The following ZNF383 variants were observed in gnomAD, a reference collection of about 807,000 sequenced individuals.
ZNF383 encodes zinc finger protein 383.
In ZNF383, 32 loss-of-function variants were observed where a neutral mutation model predicts 44.2. That is an observed-to-expected ratio of 0.72 (90% CI 0.55 to 0.97). The LOEUF (loss-of-function observed/expected upper bound fraction) is 0.97, where lower values mean the gene tolerates loss of function less well. ZNF383 is among the 50% of genes least tolerant of loss of function. ZNF383 has a pLI of 0.00. For synonymous variants in ZNF383, 155 were observed against 186.2 expected (o/e 0.83, Z 1.36); for missense variants, 487 against 562.5 (o/e 0.87, Z 1.36).
chr19:37,233,072 T>TA (rs1378188384), intron 3 of ZNF383, among the ~76,000 whole-genome samples: 2 of 152,188 alleles, frequency 1.3e-5, no homozygotes, highest in Non-Finnish European at 2.9e-5. Flanking sequence ...AGTCCCCTCT[T>TA]ACAGCATTCT....
rs753478379 is a variant in ZNF383 at position 37,242,911 on chromosome 19, C to G, written c.675C>G (p.Pro225=). 3.8e-5 allele frequency: 62 copies of G among 1,614,100 alleles called. No homozygotes were observed. Among genetic ancestry groups the G allele is most frequent in the Non-Finnish European group, 4.7e-5 (56 of 1,180,028 alleles). Residue 225 remains proline (P), a synonymous_variant, in exon 6 of 6, where the codon CCC becomes CCG. Transcript: ENST00000684119. ...TGAAAATTCATACTGGCGAAAAACCCTTTGAATGTAAGGAATGTGGAAAGG... is the reference window on the plus strand; with the variant it reads ...TGAAAATTCATACTGGCGAAAAACCGTTTGAATGTAAGGAATGTGGAAAGG... ...RHLKIHTGEK[P]FECKECGKAF... is the part of the protein sequence containing the mutation.
In ZNF383 at chr19:37,247,316, T is replaced by C. The variant is rs1054512952; in HGVS notation, c.*3652T>C. 6.6e-6 allele frequency: 1 copy of C among 152,170 alleles called. No individual in the cohort carries two copies. The highest frequency in any genetic ancestry group is 6.5e-5 in the Admixed American group (1 of 15,280). The allele number at this position is 152,170 out of a possible 1,614,324, so 9.4% of individuals were successfully genotyped here. ...AAGAGAAAAAAAATGAGACAAAGTT[T>C]AGTGATTCCAGAGGTGAAATAAGGA... is the stretch of plus-strand genomic sequence containing the variant. On this transcript the variant is annotated 3_prime_UTR_variant, in exon 6 of 6. Coordinates refer to ENST00000684119, the MANE Select transcript of ZNF383 (RefSeq NM_001387601.1).
At chr19:37,235,812 T>C in intron 4 of ZNF383, 137 bp downstream of exon 4, 2 of 1,346,422 alleles carry the variant, frequency 1.5e-6, no homozygotes, top group African/African-American at 1.5e-5. Flanking sequence ...TGAGCTGAAA[T>C]GAAAAGGAAG....
intron 1 of ZNF383, among the ~76,000 whole-genome samples, chr19:37,223,099 C>A (rs951369214): frequency 6.6e-6 from 1 of 151,720 alleles, no homozygotes; most frequent in Non-Finnish European, 1.5e-5. Context: ...GTAGATAAAT[C>A]ACAATCTTAG....
At chr19:37,227,405 CGCCCAGCCATCCG>C (rs1973225610) in intron 2 of ZNF383, 1 of 152,296 alleles carries the variant, frequency 6.6e-6, no homozygotes, top group Non-Finnish European at 1.5e-5. Context: ...TGAGCCACCG[CGCCCAGCCATCCG>C]GCCAGGCATT....
chr19:37,223,095 AAATCAC>A (rs1267579563), intron 1 of ZNF383, among the ~76,000 whole-genome samples: 1 of 151,944 alleles, frequency 6.6e-6, no homozygotes, highest in Non-Finnish European at 1.5e-5. Flanking sequence ...AGTAGTAGAT[AAATCAC>A]AATCTTAGTG....
At chr19:37,229,656 A>G (rs181802182) in intron 2 of ZNF383, among the ~76,000 whole-genome samples, 17 of 143,946 alleles carry the variant, frequency 1.2e-4, no homozygotes, top group East Asian at 2.0e-4. Context: ...ATGTATATAT[A>G]TGTGTGTATA....
At chr19:37,219,711 C>T (rs1485316469) in intron 1 of ZNF383, 1 of 152,224 alleles carries the variant, frequency 6.6e-6, no homozygotes, top group Non-Finnish European at 1.5e-5. Flanking sequence ...AAGAGAGTTA[C>T]CCAGAGGAAG....
chr19:37,234,576 G>C (rs1973676603), intron 3 of ZNF383, among the ~76,000 whole-genome samples: 1 of 151,852 alleles, frequency 6.6e-6, no homozygotes, highest in Non-Finnish European at 1.5e-5. Flanking sequence ...ATTTTTAGTA[G>C]AGACAGGGTT....
chr19:37,221,919 G>A (rs1377319358), intron 1 of ZNF383, among the ~76,000 whole-genome samples: 8 of 143,432 alleles, frequency 5.6e-5, no homozygotes, highest in Non-Finnish European at 1.2e-4. Context: ...TTGTGCCACC[G>A]CACTCCAGCC....
chr19:37,234,241 C>G (rs936222734), intron 3 of ZNF383, among the ~76,000 whole-genome samples: 1 of 152,110 alleles, frequency 6.6e-6, no homozygotes, highest in Non-Finnish European at 1.5e-5. Flanking sequence ...ATCTAAATAT[C>G]CAAATACCAC....
intron 3 of ZNF383, among the ~76,000 whole-genome samples, chr19:37,231,533 T>C (rs1345676080): frequency 6.6e-6 from 1 of 152,090 alleles, no homozygotes; most frequent in South Asian, 2.1e-4. Flanking sequence ...ATAAATAAAA[T>C]AACTTTACAT....
intron 5 of ZNF383, among the ~76,000 whole-genome samples, chr19:37,240,918 T>A (rs1974054445): frequency 6.6e-6 from 1 of 152,108 alleles, no homozygotes; most frequent in South Asian, 2.1e-4. Context: ...GCAGTTCTTC[T>A]GCCTCAGCCT....
intron 5 of ZNF383, among the ~76,000 whole-genome samples, chr19:37,239,051 CT>C (rs1442596823): frequency 6.6e-6 from 1 of 152,134 alleles, no homozygotes; most frequent in Non-Finnish European, 1.5e-5. Context: ...TTCTGAGTAG[CT>C]GGGATTATAG....
intron 3 of ZNF383, among the ~76,000 whole-genome samples, chr19:37,234,222 A>C (rs1272375545): frequency 6.6e-6 from 1 of 152,158 alleles, no homozygotes; most frequent in Non-Finnish European, 1.5e-5. Context: ...ACAGAAATAC[A>C]AATGAAACAT....
intron 5 of ZNF383, among the ~76,000 whole-genome samples, chr19:37,237,502 G>A (rs1049503353): frequency 2.0e-5 from 3 of 152,204 alleles, no homozygotes; most frequent in African/African-American, 7.2e-5. Context: ...TGGTCCAAGG[G>A]CTGGGACTGT....
chr19:37,243,720 A>C lies in ZNF383; in HGVS notation c.*56A>C. 1 of 1,184,564 alleles carries C rather than the reference A, an allele frequency of 8.4e-7. No homozygotes were observed. Among genetic ancestry groups the C allele is most frequent in the Non-Finnish European group, 1.2e-6 (1 of 856,388 alleles). 73.4% of individuals were successfully genotyped at this position (1,184,564 alleles called of 1,614,324 possible). A position where few individuals can be genotyped will look rare whatever the true frequency, so the allele number is the denominator to read the frequency against. On this transcript the variant is annotated 3_prime_UTR_variant, in exon 6 of 6. Coordinates refer to ENST00000684119, the MANE Select transcript of ZNF383 (RefSeq NM_001387601.1). ...TATTTTAAACCAAAAATCATGTCTAATAGTTACCCTCTTCCGTAGTTTTTT... is the reference window on the plus strand; with the variant it reads ...TATTTTAAACCAAAAATCATGTCTACTAGTTACCCTCTTCCGTAGTTTTTT...
Position 37,243,590 on chromosome 19 carries a change from T to C in ZNF383, c.1354T>C (p.Cys452Arg), listed in dbSNP as rs1188254031. Residue 452 changes from cysteine (C) to arginine (R), a missense_variant, in exon 6 of 6, where the codon TGT becomes CGT. Transcript: ENST00000684119. ...TCACACTGGTGAAAAGCCCTATAACTGTAAGGAATGTGGGAAGGCTTTTAG... is the reference window on the plus strand; with the variant it reads ...TCACACTGGTGAAAAGCCCTATAACCGTAAGGAATGTGGGAAGGCTTTTAG... Reference protein sequence around the residue: ...RIHTGEKPYNCKECGKAFSSG... With the variant: ...RIHTGEKPYNRKECGKAFSSG... 1 of 1,610,498 alleles carries C rather than the reference T, an allele frequency of 6.2e-7. No individual in the cohort carries two copies. The highest frequency in any genetic ancestry group is 8.5e-7 in the Non-Finnish European group (1 of 1,177,626).
At chr19:37,230,334 A>T in intron 2 of ZNF383, 75 bp from the exon 3 acceptor site, 2 of 1,016,016 alleles carry the variant, frequency 2.0e-6, no homozygotes, top group Non-Finnish European at 3.0e-6. Context: ...AGGTGGTTTT[A>T]TCTGACCTCT....
Sources: gnomAD v4.1 joint callset for allele counts (sites outside exome capture counted in the v4.1 genomes callset) on GRCh38, gnomAD v4.1.1 for gene constraint, MANE v1.5 for transcripts, NCBI Gene and HGNC (gene_info 2026-07-23, HGNC 2026-07-21) for gene names.